Variants in FER1L6 observed in about 807,000 individuals in gnomAD.
The protein encoded by FER1L6 is fer-1-like protein 6.
In FER1L6, 177 loss-of-function variants were observed where a neutral mutation model predicts 219.2. The ratio of observed to expected loss-of-function variants is 0.81; its 90% confidence interval spans 0.71 to 0.91. The LOEUF is 0.91. Ranked by LOEUF, FER1L6 falls within the 40% of genes least tolerant of loss-of-function variation. The pLI, the probability that FER1L6 is intolerant of heterozygous loss-of-function variation, is 0.00. For synonymous variants in FER1L6, 768 were observed against 824.3 expected, an observed-to-expected ratio of 0.93 and a Z score of 1.17; for missense variants, 2,153 against 2,259.9, an observed-to-expected ratio of 0.95 and a Z score of 0.96.
chr8:123,924,624 G>C (rs1375168423), intron 1 of FER1L6: 1 of 152,216 alleles, frequency 6.6e-6, no homozygotes, highest in Admixed American at 6.5e-5. Flanking sequence ...GTCTTAACCA[G>C]GCTTCCACGA....
intron 1 of FER1L6, among the ~76,000 whole-genome samples, chr8:123,872,965 G>A (rs79828705): frequency 0.045 from 6,888 of 152,224 alleles, 292 homozygotes; most frequent in African/African-American, 0.12. Context: ...CCCTCTGTGT[G>A]GAATTCATTT....
Position 124,059,258 on chromosome 8 carries a change from T to C in FER1L6, c.2875-922T>C, listed in dbSNP as rs554833952. Among the ~76,000 whole-genome samples the C allele has an allele frequency of 7.9e-5, 12 of 152,324 alleles. No homozygotes were observed. The South Asian group carries it at 2.5e-3, about 32-fold the overall frequency. On this transcript the variant is annotated intron_variant, in intron 22 of 40. Transcript: ENST00000522917. ...GATTCCCAAGGAGCTTGATGGGTCA[T>C]CTGGCCCAATATCTGAGGCTCAGAG...
chr8:124,046,013 A>G, intron 21 of FER1L6, 112 bp downstream of exon 21: 1 of 1,306,328 alleles, frequency 7.7e-7, no homozygotes, highest in Non-Finnish European at 1.0e-6. Flanking sequence ...TGGTGAGAAC[A>G]CTAGATGTAC....
Position 124,061,896 on chromosome 8 carries a change from C to T in FER1L6, c.3192C>T (p.Cys1064=), listed in dbSNP as rs759327937. The change falls in exon 25 of 41, where the codon TGC becomes TGT. Residue 1064 remains cysteine (C), a synonymous_variant. Transcript: ENST00000522917. Reference sequence around the variant, plus strand: ...TTCTGCACCCGCCACTGAGCATCTGCGTGGTGGACTGGAGAGCTTTTGGGA... The same window carrying T: ...TTCTGCACCCGCCACTGAGCATCTGTGTGGTGGACTGGAGAGCTTTTGGGA... ...NELLHPPLSI[C]VVDWRAFGRS... is the part of the protein sequence containing the mutation. The T allele has an allele frequency of 6.8e-6, 11 of 1,614,102 alleles. No individual in the cohort carries two copies. Among genetic ancestry groups the T allele is most frequent in the East Asian group, 6.7e-5 (3 of 44,866 alleles).
chr8:124,003,649 A>G (rs929578492), intron 13 of FER1L6, among the ~76,000 whole-genome samples: 13 of 151,482 alleles, frequency 8.6e-5, no homozygotes, highest in Non-Finnish European at 1.8e-4. Context: ...TTGTATTTTT[A>G]GTAGAGATGG....
chr8:124,068,556 G>T (rs1030459703), intron 28 of FER1L6, among the ~76,000 whole-genome samples: 2 of 152,176 alleles, frequency 1.3e-5, no homozygotes, highest in African/African-American at 2.4e-5. Context: ...ACAACTTTGC[G>T]CAAGACCCTT....
chr8:123,983,772 A>C (rs1816428497), intron 11 of FER1L6, among the ~76,000 whole-genome samples: 2 of 152,226 alleles, frequency 1.3e-5, no homozygotes, highest in African/African-American at 4.8e-5. Context: ...ATAAATGAAT[A>C]TATGCAAATA....
In FER1L6 at chr8:123,980,973, C is replaced by T. The variant is rs190013127; in HGVS notation, c.1410+162C>T. 3.9e-5 allele frequency among the ~76,000 whole-genome samples: 6 copies of T among 152,326 alleles called. No homozygotes were observed. In the East Asian group the frequency reaches 7.7e-4, roughly 20 times the overall value. ...TGTTCTCAGGCTGATCCTCTGCCCC[C>T]TCTTGCACACTTCACAGCCATCTGC... On this transcript the variant is annotated intron_variant, in intron 11 of 40. Transcript: ENST00000522917.
At chr8:123,855,060 G>T (rs903032178) in intron 1 of FER1L6, among the ~76,000 whole-genome samples, 1 of 152,116 alleles carries the variant, frequency 6.6e-6, no homozygotes, top group Admixed American at 6.6e-5. Flanking sequence ...TCTTCAATCG[G>T]CCCTGGGTCA....
intron 1 of FER1L6, among the ~76,000 whole-genome samples, chr8:123,885,832 A>C (rs988556792): frequency 1.1e-4 from 17 of 152,328 alleles, no homozygotes; most frequent in African/African-American, 4.1e-4. Context: ...ATGAGGTCTT[A>C]GCCAGGATGT....
At chr8:123,933,694 C>T (rs1221211824) in intron 1 of FER1L6, among the ~76,000 whole-genome samples, 5 of 152,146 alleles carry the variant, frequency 3.3e-5, no homozygotes, top group African/African-American at 9.7e-5. Context: ...GCTCAATAAA[C>T]GATCAAAGTG....
At chr8:123,974,824 A>G (rs1815991192) in intron 7 of FER1L6, among the ~76,000 whole-genome samples, 1 of 152,048 alleles carries the variant, frequency 6.6e-6, no homozygotes, top group African/African-American at 2.4e-5. Flanking sequence ...TCCTGTGGGT[A>G]AATAATACGT....
intron 1 of FER1L6, among the ~76,000 whole-genome samples, chr8:123,874,670 T>C (rs1026441877): frequency 6.6e-6 from 1 of 152,200 alleles, no homozygotes; most frequent in Non-Finnish European, 1.5e-5. Flanking sequence ...GTACATCTTA[T>C]TATCTAAGTC....
intron 1 of FER1L6, among the ~76,000 whole-genome samples, chr8:123,901,895 A>G (rs2129736040): frequency 6.6e-6 from 1 of 151,356 alleles, no homozygotes; most frequent in East Asian, 2.0e-4. Flanking sequence ...ATTTTTTTGC[A>G]TTTTTTAGTA....
At chr8:123,966,100 C>T (rs1460115037) in intron 4 of FER1L6, 39 bp downstream of exon 4, 1 of 1,613,546 alleles carries the variant, frequency 6.2e-7, no homozygotes, top group Admixed American at 1.7e-5. Flanking sequence ...TCCCCCAGTG[C>T]TTCCTGTGTG....
At chr8:123,955,699 A>T (rs1408958749) in intron 1 of FER1L6, among the ~76,000 whole-genome samples, 2 of 152,250 alleles carry the variant, frequency 1.3e-5, no homozygotes, top group Admixed American at 1.3e-4. Flanking sequence ...CTGGTGATCC[A>T]GGAGAAATAG....
chr8:123,898,732 G>GTATA (rs545901491), intron 1 of FER1L6, among the ~76,000 whole-genome samples: 3 of 135,054 alleles, frequency 2.2e-5, no homozygotes, highest in Non-Finnish European at 3.1e-5. Context: ...TGTATATATA[G>GTATA]TATATATACA....
rs1021994888 is a variant in FER1L6 at position 124,111,414 on chromosome 8, C to T, written c.5290-7430C>T. On this transcript the variant is annotated intron_variant, in intron 39 of 40. Transcript: ENST00000522917. The surrounding 1 kb of genome is among the most constrained non-coding windows in gnomAD (Gnocchi z 5.0). ...GGGATGTATTCCAGCTACCCTTGTCCTCTTGTTATAGGAAAGGGGTCCCAG... is the reference window on the plus strand; with the variant it reads ...GGGATGTATTCCAGCTACCCTTGTCTTCTTGTTATAGGAAAGGGGTCCCAG... Among the ~76,000 whole-genome samples, 12 of 152,196 alleles carry T rather than the reference C, an allele frequency of 7.9e-5. No homozygotes were observed. The highest frequency in any genetic ancestry group is 2.9e-4 in the African/African-American group (12 of 41,448).
chr8:124,057,491 G>A (rs183455905), intron 22 of FER1L6, among the ~76,000 whole-genome samples: 11 of 152,150 alleles, frequency 7.2e-5, no homozygotes, highest in Admixed American at 6.5e-4. Context: ...TTAAAACCCT[G>A]GCTTGATGTT....
Sources: gnomAD v4.1 joint callset for allele counts (sites outside exome capture counted in the v4.1 genomes callset) on GRCh38, gnomAD v4.1.1 for gene constraint, Gnocchi (gnomAD v3.1) non-coding constraint, MANE v1.5 for transcripts, NCBI Gene and HGNC (gene_info 2026-07-23, HGNC 2026-07-21) for gene names.